Variants in HIVEP3 observed in about 807,000 individuals in gnomAD.
HIVEP3 encodes HIVEP zinc finger 3.
A neutral mutation model predicts 152.8 loss-of-function variants in HIVEP3; 49 were observed. That is an observed-to-expected ratio of 0.32 (90% CI 0.26 to 0.41). HIVEP3 has a LOEUF of 0.41. Ranked by LOEUF, HIVEP3 falls within the 10% of genes least tolerant of loss-of-function variation. The pLI is 1.00. For synonymous variants in HIVEP3, 1,269 were observed against 1,289.0 expected, an observed-to-expected ratio of 0.98 and a Z score of 0.33; for missense variants, 2,790 against 3,103.3, an observed-to-expected ratio of 0.90 and a Z score of 2.40.
At chr1:41,675,075 C>T (rs949352629) in intron 2 of HIVEP3, among the ~76,000 whole-genome samples, 1 of 152,170 alleles carries the variant, frequency 6.6e-6, no homozygotes, top group Non-Finnish European at 1.5e-5. Context: ...CCCTGTCCCC[C>T]CACAGGTACC....
chr1:41,805,061 G>A (rs1251564804), intron 1 of HIVEP3, among the ~76,000 whole-genome samples: 1 of 152,218 alleles, frequency 6.6e-6, no homozygotes, highest in African/African-American at 2.4e-5. Context: ...AAATGGCCGG[G>A]CGCGGTGGCT....
At chr1:41,696,506 G>C (rs141914890) in intron 2 of HIVEP3, among the ~76,000 whole-genome samples, 146 of 152,384 alleles carry the variant, frequency 9.6e-4, no homozygotes, top group African/African-American at 3.3e-3. Flanking sequence ...CCCAAGGCCA[G>C]CGGGCCTGAG....
chr1:41,846,535 C>A (rs531947302), intron 1 of HIVEP3, among the ~76,000 whole-genome samples: 33 of 152,336 alleles, frequency 2.2e-4, no homozygotes, highest in Middle Eastern at 3.4e-3. Context: ...GCAAGCCAGG[C>A]TCATAGCCTA....
At chr1:41,781,698 G>A (rs143098501) in intron 1 of HIVEP3, among the ~76,000 whole-genome samples, 2,055 of 152,328 alleles carry the variant, frequency 0.013, 20 homozygotes, top group Admixed American at 0.019. Context: ...TCTTAATGAT[G>A]GGCCCCATAT....
intron 1 of HIVEP3, among the ~76,000 whole-genome samples, chr1:42,031,625 G>A (rs887670300): frequency 3.3e-5 from 5 of 152,106 alleles, no homozygotes; most frequent in Non-Finnish European, 4.4e-5. Context: ...ATTGTCAAGT[G>A]TTTCCTGAGG....
intron 2 of HIVEP3, among the ~76,000 whole-genome samples, chr1:41,679,672 T>G (rs1019960896): frequency 1.3e-5 from 2 of 152,226 alleles, no homozygotes; most frequent in African/African-American, 2.4e-5. Context: ...TCCCAAGCTC[T>G]GCTTGGCTCC....
chr1:41,647,497 A>G lies in HIVEP3; in HGVS notation c.-720-18550T>C, dbSNP rs578244395. 7.2e-5 allele frequency among the ~76,000 whole-genome samples: 11 copies of G among 152,332 alleles called. No individual in the cohort carries two copies. In the East Asian group the frequency reaches 1.9e-3, roughly 27 times the overall value. On this transcript the variant is annotated intron_variant, in intron 2 of 8. Transcript: ENST00000372583. ...CAGAGCCAGAAATAACCCCACTGAC[A>G]TGGAAAGCCTCCCCTTCCCTTGGTA... is the stretch of plus-strand genomic sequence containing the variant.
At chr1:41,604,673 C>T (rs1177094714) in intron 3 of HIVEP3, among the ~76,000 whole-genome samples, 1 of 152,190 alleles carries the variant, frequency 6.6e-6, no homozygotes, top group African/African-American at 2.4e-5. Flanking sequence ...TCCCAGGCTC[C>T]AGAACTGTGA....
intron 1 of HIVEP3, among the ~76,000 whole-genome samples, chr1:41,881,471 G>A (rs1303068027): frequency 1.3e-5 from 2 of 152,124 alleles, no homozygotes; most frequent in Admixed American, 6.5e-5. Context: ...ATTATAGAAA[G>A]TTCTAAAAAC....
chr1:41,790,939 A>C (rs1288319400), intron 1 of HIVEP3, among the ~76,000 whole-genome samples: 1 of 152,102 alleles, frequency 6.6e-6, no homozygotes, highest in African/African-American at 2.4e-5. Context: ...TGATCTTGCA[A>C]AAACCCACAT....
chr1:41,670,066 G>A (rs1042245079), intron 2 of HIVEP3, among the ~76,000 whole-genome samples: 1 of 152,150 alleles, frequency 6.6e-6, no homozygotes, highest in Non-Finnish European at 1.5e-5. Context: ...CTTTGCAGAT[G>A]GGCAGAAGCC....
rs1220041900 is a variant in HIVEP3, at chr1:41,917,308, C to G, written c.-801+1105G>C. ...TCTCCCTCTTTCCTCTTCCCTCCCCCCGTAACACCCAAAATGCACACCAGA... is the reference window on the plus strand; with the variant it reads ...TCTCCCTCTTTCCTCTTCCCTCCCCGCGTAACACCCAAAATGCACACCAGA... On this transcript the variant is annotated intron_variant, in intron 1 of 8. Transcript: ENST00000372583. Among the ~76,000 whole-genome samples the G allele has an allele frequency of 3.3e-5, 5 of 152,162 alleles. No individual in the cohort carries two copies. In the East Asian group the frequency reaches 7.7e-4, roughly 23 times the overall value.
intron 1 of HIVEP3, among the ~76,000 whole-genome samples, chr1:41,773,510 TC>T (rs11299178): frequency 0.62 from 93,686 of 152,022 alleles, 29,797 homozygotes; most frequent in African/African-American, 0.78. Flanking sequence ...CCAGACACCC[TC>T]CCGGAATCCA....
chr1:41,528,407 C>T (rs1226730907), intron 5 of HIVEP3, among the ~76,000 whole-genome samples: 1 of 135,442 alleles, frequency 7.4e-6, no homozygotes, highest in Non-Finnish European at 1.6e-5. Context: ...CCCTCACCTT[C>T]ACACACCCTT....
At chr1:41,530,822 G>A (rs981167591) in intron 5 of HIVEP3, among the ~76,000 whole-genome samples, 18 of 152,296 alleles carry the variant, frequency 1.2e-4, no homozygotes, top group African/African-American at 4.1e-4. Flanking sequence ...AGCTTAAATG[G>A]TACATGGTCT....
chr1:41,968,393 G>A (rs1489948227), intron 1 of HIVEP3, among the ~76,000 whole-genome samples: 1 of 152,184 alleles, frequency 6.6e-6, no homozygotes, highest in African/African-American at 2.4e-5. Flanking sequence ...AGCATGCAAG[G>A]CTGGTTCAAC....
chr1:42,033,477 T>C (rs1645624671), intron 1 of HIVEP3, among the ~76,000 whole-genome samples: 1 of 152,166 alleles, frequency 6.6e-6, no homozygotes, highest in Non-Finnish European at 1.5e-5. Flanking sequence ...TGACACACAC[T>C]CCATTCACTT....
chr1:41,534,117 C>T (rs1463137469), intron 5 of HIVEP3, among the ~76,000 whole-genome samples: 1 of 152,174 alleles, frequency 6.6e-6, no homozygotes, highest in East Asian at 1.9e-4. Context: ...CCAGCCCTGG[C>T]CACCACCCTC....
At chr1:41,753,427 G>C (rs2124228269) in intron 1 of HIVEP3, among the ~76,000 whole-genome samples, 1 of 152,256 alleles carries the variant, frequency 6.6e-6, no homozygotes, top group East Asian at 1.9e-4. Flanking sequence ...TTGGACTTTG[G>C]GAGGCCGAGG....
Sources: allele counts gnomAD v4.1 joint callset (sites outside exome capture counted in the v4.1 genomes callset), GRCh38; gene constraint gnomAD v4.1.1; transcripts MANE v1.5; gene names NCBI Gene and HGNC (gene_info 2026-07-23, HGNC 2026-07-21).